Variants in HECW2 observed in about 807,000 individuals in gnomAD.
The protein encoded by HECW2 is E3 ubiquitin-protein ligase HECW2.
Under a neutral mutation model 175.2 loss-of-function variants are expected in HECW2, and 61 were observed. The observed-to-expected ratio is 0.35, with a 90% CI of 0.28 to 0.43. The LOEUF is 0.43. Ranked by LOEUF, HECW2 falls within the 20% of genes least tolerant of loss-of-function variation. The pLI is 1.00. For synonymous variants in HECW2, 671 were observed against 731.0 expected (o/e 0.92, Z 1.32); for missense variants, 1,524 against 2,000.5 (o/e 0.76, Z 4.54).
At chr2:196,422,181 C>A (rs926946603) in intron 2 of HECW2, among the ~76,000 whole-genome samples, 5 of 152,086 alleles carry the variant, frequency 3.3e-5, no homozygotes, top group Admixed American at 6.6e-5. Context: ...TTGCAGTGAC[C>A]ATACAAGGAT....
At chr2:196,484,391 T>C (rs1046785715) in intron 1 of HECW2, among the ~76,000 whole-genome samples, 9 of 152,224 alleles carry the variant, frequency 5.9e-5, no homozygotes, top group African/African-American at 2.2e-4. Flanking sequence ...TTAGAATTTA[T>C]GTTTAAAATG....
intron 15 of HECW2, among the ~76,000 whole-genome samples, chr2:196,278,159 TTCC>T (rs1553489757): frequency 1.8e-4 from 22 of 121,204 alleles, no homozygotes; most frequent in South Asian, 5.7e-4. Context: ...TATAAAGAAA[TTCC>T]ACATTTAACC....
chr2:196,316,395 A>G (rs988023034), intron 10 of HECW2: 1 of 152,204 alleles, frequency 6.6e-6, no homozygotes, highest in Admixed American at 6.5e-5. Context: ...AAACAGAGGA[A>G]CCAAAGCATC....
chr2:196,548,338 AAAAAAGAAAAGAAG>A (rs1456615006), intron 1 of HECW2, among the ~76,000 whole-genome samples: 2 of 151,896 alleles, frequency 1.3e-5, no homozygotes, highest in African/African-American at 4.8e-5. Context: ...TCAAAAAAAA[AAAAAAGAAAAGAAG>A]AAAAAGAAAA....
intron 1 of HECW2, among the ~76,000 whole-genome samples, chr2:196,443,443 T>C (rs1397259528): frequency 6.6e-6 from 1 of 152,202 alleles, no homozygotes; most frequent in Non-Finnish European, 1.5e-5. Context: ...GCCCCCACTG[T>C]AACAATATTT....
chr2:196,204,453 A>G (rs186850410), intron 28 of HECW2, among the ~76,000 whole-genome samples: 5 of 152,286 alleles, frequency 3.3e-5, no homozygotes, highest in Admixed American at 6.5e-5. Context: ...CTGTTGTTGA[A>G]TTTGAAGAAG....
chr2:196,544,269 C>G (rs1412513117), intron 1 of HECW2, among the ~76,000 whole-genome samples: 1 of 152,186 alleles, frequency 6.6e-6, no homozygotes, highest in Non-Finnish European at 1.5e-5. Flanking sequence ...TCTAGCAGGA[C>G]CAAGTGCCCA....
intron 1 of HECW2, among the ~76,000 whole-genome samples, chr2:196,440,034 C>A (rs759170221): frequency 3.3e-5 from 5 of 152,080 alleles, no homozygotes; most frequent in Non-Finnish European, 5.9e-5. Flanking sequence ...TAAGTGACAA[C>A]AGAATCCCAG....
chr2:196,291,406 C>T (rs1368315756), intron 14 of HECW2: 1 of 152,104 alleles, frequency 6.6e-6, no homozygotes, highest in Non-Finnish European at 1.5e-5. Context: ...ATTTATTTGT[C>T]TATTGCCTGT....
intron 1 of HECW2, among the ~76,000 whole-genome samples, chr2:196,468,612 G>A (rs773739080): frequency 3.5e-4 from 54 of 152,318 alleles, no homozygotes; most frequent in Non-Finnish European, 5.7e-4. Flanking sequence ...ACTGCCACCT[G>A]CAGACCACAC....
chr2:196,447,994 G>T (rs1696236321), intron 1 of HECW2, among the ~76,000 whole-genome samples: 8 of 152,212 alleles, frequency 5.3e-5, no homozygotes, highest in Admixed American at 5.2e-4. Context: ...AGGAGGCACA[G>T]GTTGCAGTGA....
intron 1 of HECW2, among the ~76,000 whole-genome samples, chr2:196,485,134 A>G (rs1202124717): frequency 1.3e-5 from 2 of 152,176 alleles, no homozygotes; most frequent in Non-Finnish European, 2.9e-5. Context: ...GTGGGATCAC[A>G]AGAGAAAGAG....
intron 21 of HECW2, chr2:196,239,445 T>G (rs1175144080): frequency 6.6e-6 from 1 of 152,238 alleles, no homozygotes; most frequent in East Asian, 1.9e-4. Flanking sequence ...ATTCCCTAGT[T>G]CCATCAGCAG....
At chr2:196,220,966 G>T (rs200637743) in intron 24 of HECW2, 25 bp from the exon 25 acceptor site, 3 of 1,611,646 alleles carry the variant, frequency 1.9e-6, no homozygotes, top group Admixed American at 3.3e-5. Flanking sequence ...TAAAAAGAAT[G>T]ACTACAAAGC....
intron 2 of HECW2, among the ~76,000 whole-genome samples, chr2:196,410,275 G>C (rs1409879132): frequency 6.6e-6 from 1 of 152,198 alleles, no homozygotes; most frequent in Non-Finnish European, 1.5e-5. Context: ...TTGGGATCAA[G>C]TAAATAGCAA....
In HECW2 at chr2:196,201,117, C is replaced by T. The variant is rs1037713600; in HGVS notation, c.*160G>A. 1 of 601,140 alleles carries T rather than the reference C, an allele frequency of 1.7e-6. No individual in the cohort carries two copies. Among genetic ancestry groups the T allele is most frequent in the African/African-American group, 1.9e-5 (1 of 53,762 alleles). The allele number at this position is 601,140 out of a possible 1,614,324, so 37.2% of individuals were successfully genotyped here. The stretch of plus-strand genomic sequence containing the variant: ...CAAATCCTTCCAAGAGGACTCATCT[C>T]CAGTCCCCAAATGTGACAGAGCACT... On this transcript the variant is annotated 3_prime_UTR_variant, in exon 29 of 29. Coordinates refer to ENST00000644978, the MANE Select transcript of HECW2 (RefSeq NM_001348768.2).
At position 196,318,875 on chromosome 2, in the gene HECW2, G is replaced by T. The variant is rs753121263; in HGVS notation, c.2015C>A (p.Pro672Gln). 5.1e-6 allele frequency: 8 copies of T among 1,554,110 alleles called. No individual in the cohort carries two copies. The highest frequency in any genetic ancestry group is 3.8e-5 in the Admixed American group (2 of 52,790). The stretch of plus-strand genomic sequence containing the variant: ...TTCCTCCTCCTGAGAAGAAAAGGCT[G>T]GGGTTTCAGGAAACCGTGCGCTCTC... ...SLESARFPET[P>Q]AFSSQEEEDG... The change falls in exon 9 of 29, where the codon CCA becomes CAA. Residue 672 changes from proline to glutamine, a missense_variant. By Grantham distance (76) the Pro-to-Gln change is moderately conservative. This residue lies in a region of HECW2 where 604 missense variants were observed against 588.3 expected (regional missense o/e 1.03). Coordinates refer to ENST00000644978, the MANE Select transcript of HECW2 (RefSeq NM_001348768.2).
chr2:196,224,616 GCA>G (rs1316494537), intron 23 of HECW2, among the ~76,000 whole-genome samples: 5 of 152,154 alleles, frequency 3.3e-5, no homozygotes, highest in African/African-American at 1.2e-4. Flanking sequence ...TGTGGGTGGT[GCA>G]CAGTGTCAGA....
intron 1 of HECW2, among the ~76,000 whole-genome samples, chr2:196,537,502 A>C (rs1453599507): frequency 6.6e-6 from 1 of 152,140 alleles, no homozygotes; most frequent in African/African-American, 2.4e-5. Context: ...AATTATGAAA[A>C]CATGTCTAGA....
Sources: allele counts gnomAD v4.1 joint callset (sites outside exome capture counted in the v4.1 genomes callset), GRCh38; gene constraint gnomAD v4.1.1; regional missense constraint gnomAD v4.1.1; transcripts MANE v1.5; gene names NCBI Gene and HGNC (gene_info 2026-07-23, HGNC 2026-07-21).